Variants in ANAPC2 observed in about 807,000 individuals in gnomAD.
ANAPC2 encodes anaphase-promoting complex subunit 2.
In ANAPC2, 29 loss-of-function variants were observed where a neutral mutation model predicts 84.3. That is an observed-to-expected ratio of 0.34 (90% CI 0.26 to 0.47). The LOEUF (loss-of-function observed/expected upper bound fraction) is 0.47, where lower values mean the gene tolerates loss of function less well. Ranked by LOEUF, ANAPC2 falls within the 20% of genes least tolerant of loss-of-function variation. The pLI is 1.00. For synonymous variants in ANAPC2, 571 were observed against 479.4 expected (o/e 1.19, Z -2.50); for missense variants, 857 against 1,131.7 (o/e 0.76, Z 3.48).
rs1834516428 is a variant in ANAPC2, at chr9:137,188,062, C to G, written c.159G>C (p.Glu53Asp). Residue 53 changes from glutamate to aspartate, a missense_variant, in exon 2 of 13, where the codon GAG becomes GAC. Transcript: ENST00000323927. Reference sequence around the variant, plus strand: ...GAACCTCCACCGCCGCCCGGAGCTCCTCTTCCTTTGGCGGGACTGCACCGC... The same window carrying G: ...GAACCTCCACCGCCGCCCGGAGCTCGTCTTCCTTTGGCGGGACTGCACCGC... ...RTSGAVPPKE[E>D]ELRAAVEVLR... 6.2e-7 allele frequency: 1 copy of G among 1,613,532 alleles called. No individual in the cohort carries two copies. Among genetic ancestry groups the G allele is most frequent in the South Asian group, 1.1e-5 (1 of 91,082 alleles).
chr9:137,182,324 A>G (rs1237992668), intron 6 of ANAPC2, among the ~76,000 whole-genome samples: 1 of 152,202 alleles, frequency 6.6e-6, no homozygotes, highest in Non-Finnish European at 1.5e-5. Context: ...TATCCTGGCT[A>G]ACATGGTGAA....
Position 137,175,552 on chromosome 9 carries a change from G to C in ANAPC2, c.2021-80C>G, listed in dbSNP as rs553558806. ...CTGCCTCCCGTCAGCCGAGAGGTCGGGGGGCTCCCGGGCCACCCTGCCTTG... is the reference window on the plus strand; with the variant it reads ...CTGCCTCCCGTCAGCCGAGAGGTCGCGGGGCTCCCGGGCCACCCTGCCTTG... On this transcript the variant is annotated intron_variant, in intron 11 of 12. Transcript: ENST00000323927. The C allele has an allele frequency of 9.8e-4, 1,451 of 1,481,584 alleles. 7 individuals carry two copies. Among genetic ancestry groups the C allele is most frequent in the Middle Eastern group, 6.6e-3 (37 of 5,568 alleles). 91.8% of individuals were successfully genotyped at this position (1,481,584 alleles called of 1,614,324 possible).
intron 10 of ANAPC2, among the ~76,000 whole-genome samples, chr9:137,179,605 C>T (rs1438758575): frequency 6.6e-6 from 1 of 152,244 alleles, no homozygotes; most frequent in Non-Finnish European, 1.5e-5. Context: ...TCCTCCACTC[C>T]CCACATCTGC....
chr9:137,177,962 C>G (rs1055001855), intron 10 of ANAPC2, among the ~76,000 whole-genome samples: 1 of 152,140 alleles, frequency 6.6e-6, no homozygotes, highest in African/African-American at 2.4e-5. Flanking sequence ...TCGGAGGGCC[C>G]TGCTGACCCT....
rs373543166 is a variant in ANAPC2 at position 137,180,537 on chromosome 9, C to A, written c.1611-10G>T. ...CACGTTGCGGATCTCCCTGGAAAGACGAGTGTCTGGGCAGGGGGTCGTGAT... is the reference window on the plus strand; with the variant it reads ...CACGTTGCGGATCTCCCTGGAAAGAAGAGTGTCTGGGCAGGGGGTCGTGAT... On this transcript the variant is annotated splice_polypyrimidine_tract_variant and intron_variant, in intron 8 of 12. Coordinates refer to ENST00000323927, the MANE Select transcript of ANAPC2 (RefSeq NM_013366.4). 99 of 1,612,828 alleles carry A rather than the reference C, an allele frequency of 6.1e-5. No individual in the cohort carries two copies. Among genetic ancestry groups the A allele is most frequent in the Non-Finnish European group, 8.1e-5 (96 of 1,179,914 alleles).
intron 7 of ANAPC2, among the ~76,000 whole-genome samples, chr9:137,181,290 G>A (rs552396993): frequency 2.0e-5 from 3 of 152,226 alleles, no homozygotes; most frequent in African/African-American, 7.2e-5. Flanking sequence ...CCTCGCAGAC[G>A]AGGGCCAGGC....
rs1834509418 is a variant in ANAPC2 at position 137,187,758 on chromosome 9, T to C, written c.463A>G (p.Thr155Ala). 1.2e-6 allele frequency: 2 copies of C among 1,613,752 alleles called. No individual in the cohort carries two copies. The highest frequency in any genetic ancestry group is 1.1e-5 in the South Asian group (1 of 91,084). Residue 155 changes from threonine to alanine, a missense_variant, in exon 2 of 13, where the codon ACT becomes GCT. Thr to Ala is a moderately conservative substitution (Grantham distance 58). Coordinates refer to ENST00000323927, the MANE Select transcript of ANAPC2 (RefSeq NM_013366.4). Reference sequence around the variant, plus strand: ...AAGAACAAGACTCCGCGCAACATAGTGTGGACTTCTTCTCGCAGCCCCTGA... The same window carrying C: ...AAGAACAAGACTCCGCGCAACATAGCGTGGACTTCTTCTCGCAGCCCCTGA... ...GAQGLREEVH[T>A]MLRGVLFFST...
At chr9:137,186,414 G>A (rs951812805) in intron 2 of ANAPC2, 58 bp from the exon 3 acceptor site, 7 of 1,530,966 alleles carry the variant, frequency 4.6e-6, no homozygotes, top group Non-Finnish European at 6.2e-6. Context: ...CTCTAGCCCA[G>A]AACAGCCCCA....
intron 5 of ANAPC2, 185 bp from the exon 6 acceptor site, chr9:137,183,427 T>C: frequency 1.3e-6 from 1 of 746,936 alleles, no homozygotes; most frequent in South Asian, 1.8e-5. Context: ...GGGAGGTCTG[T>C]TCTGAGAGAA....
Position 137,183,232 on chromosome 9 carries a change from C to G in ANAPC2, c.1179G>C (p.Thr393=). 1.9e-6 allele frequency: 3 copies of G among 1,612,752 alleles called. No homozygotes were observed. The highest frequency in any genetic ancestry group is 2.5e-6 in the Non-Finnish European group (3 of 1,179,666). The stretch of plus-strand genomic sequence containing the variant: ...AGATATAGAGGGTGATGATGTCACA[C>G]GTGTTGACGCCTACAGCCAGGGCAG... ...ETRLLHPGVN[T]CDIITLYISA... is the part of the protein sequence containing the mutation. The change falls in exon 6 of 13, where the codon ACG becomes ACC. Residue 393 remains threonine, a synonymous_variant. Transcript: ENST00000323927.
chr9:137,176,711 G>C (rs28676711), intron 10 of ANAPC2: 29,879 of 152,306 alleles, frequency 0.2, 3,844 homozygotes, highest in Non-Finnish European at 0.29. Context: ...TGAGGTCTCA[G>C]ATGGAAATGA....
intron 5 of ANAPC2, 157 bp downstream of exon 5, chr9:137,183,515 C>T: frequency 8.5e-7 from 1 of 1,181,632 alleles, no homozygotes; most frequent in Non-Finnish European, 1.2e-6. Flanking sequence ...ACGGGCACCT[C>T]AGATCCCCTA....
At chr9:137,179,440 C>T (rs577209105) in intron 10 of ANAPC2, among the ~76,000 whole-genome samples, 2 of 152,216 alleles carry the variant, frequency 1.3e-5, no homozygotes, top group African/African-American at 2.4e-5. Flanking sequence ...GGGAAAGAAC[C>T]GCCAAGCCTA....
chr9:137,177,136 A>G (rs1258143080), intron 10 of ANAPC2: 1 of 152,220 alleles, frequency 6.6e-6, no homozygotes, highest in Non-Finnish European at 1.5e-5. Context: ...GGTGAGCTGC[A>G]TAAGCCAACA....
chr9:137,186,990 T>A (rs889938094), intron 2 of ANAPC2: 1 of 172,914 alleles, frequency 5.8e-6, no homozygotes, highest in East Asian at 1.5e-4. Flanking sequence ...GGTATGACAA[T>A]TGCTAGAGAA....
intron 3 of ANAPC2, 123 bp from the exon 4 acceptor site, chr9:137,185,210 C>G (rs1451820669): frequency 9.5e-7 from 1 of 1,050,710 alleles, no homozygotes; most frequent in African/African-American, 1.6e-5. Flanking sequence ...GCCCGAAGGC[C>G]ACCTGCGTCT....
chr9:137,175,890 C>T (rs1414635375), intron 10 of ANAPC2, 53 bp from the exon 11 acceptor site: 55 of 1,533,276 alleles, frequency 3.6e-5, no homozygotes, highest in Middle Eastern at 1.7e-4. Flanking sequence ...CGCTCAGGCC[C>T]GTGGGCTCTG....
chr9:137,188,418 G>C lies in ANAPC2; in HGVS notation c.115C>G (p.Leu39Val). Residue 39 changes from leucine (L) to valine (V), a missense_variant and splice_region_variant, in exon 1 of 13, where the codon CTG (leucine) becomes GTG (valine). Leu to Val is a conservative substitution (Grantham distance 32). Transcript: ENST00000323927. ...GCCCCTCTCTTCCCAGGCCTCACCA[G>C]CCCCAGCGCAGCCGGCGGCACCAGG... is the stretch of plus-strand genomic sequence containing the variant. ...TGLVPPAALG[L>V]VSSRTSGAVP... is the part of the protein sequence containing the mutation. The C allele has an allele frequency of 6.2e-7, 1 of 1,607,040 alleles. No homozygotes were observed. Among genetic ancestry groups the C allele is most frequent in the Non-Finnish European group, 8.5e-7 (1 of 1,179,012 alleles).
chr9:137,183,449 C>A, intron 5 of ANAPC2: 1 of 762,296 alleles, frequency 1.3e-6, no homozygotes, highest in Non-Finnish European at 2.1e-6. Flanking sequence ...TAAGTCTCAT[C>A]ACCTCAGACC....
Sources: gnomAD v4.1 joint callset for allele counts (sites outside exome capture counted in the v4.1 genomes callset) on GRCh38, gnomAD v4.1.1 for gene constraint, MANE v1.5 for transcripts, NCBI Gene and HGNC (gene_info 2026-07-23, HGNC 2026-07-21) for gene names.